The following PVT1 variants were observed in gnomAD, a reference collection of about 807,000 sequenced individuals.
PVT1 encodes CXCR4/PVT1 fusion.
intron 3 of PVT1, among the ~76,000 whole-genome samples, chr8:127,955,626 A>T (rs1586454158): frequency 7.5e-6 from 1 of 132,656 alleles, no homozygotes; most frequent in African/African-American, 2.9e-5. Context: ...TCTGTCGCCC[A>T]GGCTGGAGTG....
At chr8:127,845,341 T>C (rs1815019940) in intron 2 of PVT1, among the ~76,000 whole-genome samples, 2 of 152,110 alleles carry the variant, frequency 1.3e-5, no homozygotes, top group African/African-American at 4.8e-5. Flanking sequence ...AAGAGTGTTT[T>C]CTCAAGTCCC....
chr8:127,875,133 G>A (rs1164348456), intron 2 of PVT1, among the ~76,000 whole-genome samples: 1 of 152,130 alleles, frequency 6.6e-6, no homozygotes, highest in Non-Finnish European at 1.5e-5. Context: ...TTGGGGTGCT[G>A]GATTTTGGTT....
At chr8:127,920,121 G>C (rs182912543) in intron 3 of PVT1, among the ~76,000 whole-genome samples, 1 of 152,260 alleles carries the variant, frequency 6.6e-6, no homozygotes, top group East Asian at 1.9e-4. Context: ...GACAGCAAAA[G>C]TCATCCTAAC....
intron 4 of PVT1, among the ~76,000 whole-genome samples, chr8:128,045,670 T>G (rs1158095770): frequency 6.6e-6 from 1 of 152,212 alleles, no homozygotes; most frequent in East Asian, 1.9e-4. Context: ...CCAGGGCAAC[T>G]TTCAAGTCTG....
At chr8:128,063,570 AT>A (rs1813859565) in intron 4 of PVT1, among the ~76,000 whole-genome samples, 2 of 152,208 alleles carry the variant, frequency 1.3e-5, no homozygotes, top group South Asian at 4.2e-4. Flanking sequence ...ACACACACAC[AT>A]ATGTACACAA....
At chr8:127,949,819 G>A in intron 3 of PVT1, among the ~76,000 whole-genome samples, 1 of 152,212 alleles carries the variant, frequency 6.6e-6, no homozygotes, top group East Asian at 1.9e-4. Context: ...TGCCGGCTGT[G>A]GAGTTACCCA....
chr8:127,918,286 C>T (rs1359640054), intron 3 of PVT1, among the ~76,000 whole-genome samples: 1 of 152,146 alleles, frequency 6.6e-6, no homozygotes, highest in Non-Finnish European at 1.5e-5. Flanking sequence ...GGGTGTGGAA[C>T]TGTGTATCGG....
intron 3 of PVT1, among the ~76,000 whole-genome samples, chr8:127,915,498 G>C (rs1815972553): frequency 6.6e-6 from 1 of 151,324 alleles, no homozygotes. Flanking sequence ...TGTAATCCCA[G>C]CTACTTGGGA....
intron 4 of PVT1, among the ~76,000 whole-genome samples, chr8:128,065,547 C>T (rs1257073260): frequency 1.3e-5 from 2 of 152,158 alleles, no homozygotes; most frequent in African/African-American, 4.8e-5. Context: ...TCCCTATGTT[C>T]TCAGGCCAGT....
intron 4 of PVT1, among the ~76,000 whole-genome samples, chr8:128,069,086 A>T (rs1397347221): frequency 6.6e-6 from 1 of 152,218 alleles, no homozygotes; most frequent in Non-Finnish European, 1.5e-5. Flanking sequence ...AAGGGTCATC[A>T]TGGAGAAGAG....
intron 4 of PVT1, among the ~76,000 whole-genome samples, chr8:128,029,487 T>C (rs1002659890): frequency 6.6e-6 from 1 of 152,146 alleles, no homozygotes; most frequent in Non-Finnish European, 1.5e-5. Flanking sequence ...GAAATTTAGA[T>C]AAGTGAAAGA....
In PVT1 at chr8:128,080,701, T is replaced by G. The variant is rs1333185577; in HGVS notation, n.1114+10340T>G. Among the ~76,000 whole-genome samples the G allele has an allele frequency of 3.3e-5, 5 of 152,190 alleles. No individual in the cohort carries two copies. In the East Asian group the frequency reaches 9.6e-4, roughly 29 times the overall value. ...TTGTAGTGTCTTTGCAGATCAGAAG[T>G]TTTTAATTTTAATGGAGTCCAGGTC... On this transcript the variant is annotated intron_variant and non_coding_transcript_variant, in intron 5 of 10. Transcript: ENST00000651587.
rs529570349 is a variant in PVT1 at position 127,817,358 on chromosome 8, T to G, written n.372+21287T>G. ...GTCTGTGAATTGAGTCTGTTACATA[T>G]ATATATATCTATTTAAATATATATA... On this transcript the variant is annotated intron_variant and non_coding_transcript_variant, in intron 2 of 10. Coordinates refer to ENST00000651587, the Ensembl canonical transcript of PVT1. 4.3e-3 allele frequency among the ~76,000 whole-genome samples: 527 copies of G among 122,490 alleles called. 3 individuals carry two copies. Among genetic ancestry groups the G allele is most frequent in the African/African-American group, 0.017 (504 of 30,428 alleles). 80.4% of individuals were successfully genotyped at this position (122,490 alleles called of 152,430 possible).
At chr8:127,925,730 C>CTCCT (rs1315954444) in intron 3 of PVT1, among the ~76,000 whole-genome samples, 5 of 152,126 alleles carry the variant, frequency 3.3e-5, no homozygotes, top group Admixed American at 3.3e-4. Context: ...CAACCTCTGC[C>CTCCT]TCCTGGGTTC....
In PVT1 at chr8:127,804,682, C is replaced by T. The variant is rs867188590; in HGVS notation, n.372+8611C>T. On this transcript the variant is annotated intron_variant and non_coding_transcript_variant, in intron 2 of 10. Coordinates refer to ENST00000651587, the Ensembl canonical transcript of PVT1. The stretch of plus-strand genomic sequence containing the variant: ...TGGCCTCCGAGTAGCTGGGATGCCA[C>T]CGTGCCCGGCTAAATTTTTTTTCTT... Among the ~76,000 whole-genome samples, 6 of 150,282 alleles carry T rather than the reference C, an allele frequency of 4.0e-5. No individual in the cohort carries two copies. In the Middle Eastern group the frequency reaches 0.017, roughly 426 times the overall value.
intron 4 of PVT1, chr8:128,010,121 A>T (rs1300181378): frequency 6.6e-6 from 1 of 152,110 alleles, no homozygotes; most frequent in African/African-American, 2.4e-5. Context: ...TATGTGACTG[A>T]TTCCTGCCTC....
chr8:128,054,079 G>A (rs546187708), intron 4 of PVT1, among the ~76,000 whole-genome samples: 3 of 152,328 alleles, frequency 2.0e-5, no homozygotes, highest in South Asian at 4.1e-4. Context: ...GGTGACTATA[G>A]GAGGTGGTGG....
chr8:127,863,778 T>A (rs1815255300), intron 2 of PVT1, among the ~76,000 whole-genome samples: 1 of 152,174 alleles, frequency 6.6e-6, no homozygotes, highest in African/African-American at 2.4e-5. Flanking sequence ...TTGAGGCCCC[T>A]CAGCTTGGAC....
At chr8:128,050,865 C>T (rs956722822) in intron 4 of PVT1, among the ~76,000 whole-genome samples, 1 of 152,226 alleles carries the variant, frequency 6.6e-6, no homozygotes, top group Non-Finnish European at 1.5e-5. Flanking sequence ...AGTTCCATTC[C>T]ATCATTCACT....
Sources: gnomAD v4.1 joint callset for allele counts (sites outside exome capture counted in the v4.1 genomes callset) on GRCh38, gnomAD v4.1.1 for gene constraint, MANE v1.5 for transcripts, NCBI Gene and HGNC (gene_info 2026-07-23, HGNC 2026-07-21) for gene names.